Variants in POFUT3 observed in about 807,000 individuals in gnomAD.
POFUT3 encodes protein O-fucosyltransferase 3.
chr8:33,436,236 A>G, the POFUT3 span: 1 of 1,344,576 alleles, frequency 7.4e-7, no homozygotes, highest in Non-Finnish European at 1.1e-6. Context: ...CGAAGGGTGT[A>G]TTCTCATGCA....
the POFUT3 span, among the ~76,000 whole-genome samples, chr8:33,418,973 A>G: frequency 8.5e-5 from 13 of 152,218 alleles, no homozygotes; most frequent in Non-Finnish European, 1.3e-4. Flanking sequence ...TAAGCCAGGC[A>G]CAGAAAGACA....
At chr8:33,447,546 G>A in the POFUT3 span, among the ~76,000 whole-genome samples, 4 of 152,228 alleles carry the variant, frequency 2.6e-5, no homozygotes, top group African/African-American at 2.4e-5. Flanking sequence ...AATTGTTAAT[G>A]TAGCTAAATC....
chr8:33,431,643 T>C, the POFUT3 span, among the ~76,000 whole-genome samples: 1 of 146,332 alleles, frequency 6.8e-6, no homozygotes, highest in Non-Finnish European at 1.5e-5. Flanking sequence ...CATTCTTGAT[T>C]ACAAACAGTT....
chr8:33,435,302 C>T, the POFUT3 span, among the ~76,000 whole-genome samples: 1 of 151,436 alleles, frequency 6.6e-6, no homozygotes, highest in African/African-American at 2.4e-5. Context: ...ACTGCAACTG[C>T]CACCTCCCAG....
chr8:33,322,978 A>C, the POFUT3 span, among the ~76,000 whole-genome samples: 2 of 151,404 alleles, frequency 1.3e-5, no homozygotes, highest in Non-Finnish European at 2.9e-5. Flanking sequence ...GTGTTTTGCC[A>C]CCCAAGCTTA....
the POFUT3 span, among the ~76,000 whole-genome samples, chr8:33,359,130 C>CA: frequency 2.0e-5 from 3 of 151,744 alleles, no homozygotes; most frequent in African/African-American, 7.3e-5. Context: ...TTTCAAACAG[C>CA]AAAAAAATAA....
chr8:33,383,142 TA>T, the POFUT3 span, among the ~76,000 whole-genome samples: 1 of 152,058 alleles, frequency 6.6e-6, no homozygotes, highest in Non-Finnish European at 1.5e-5. Flanking sequence ...CACTCCCACT[TA>T]ACACTCAGCT....
the POFUT3 span, among the ~76,000 whole-genome samples, chr8:33,397,483 T>A: frequency 1.3e-5 from 2 of 152,170 alleles, no homozygotes; most frequent in African/African-American, 4.8e-5. Context: ...TACTCCTTGA[T>A]GCTACAGCTG....
the POFUT3 span, among the ~76,000 whole-genome samples, chr8:33,348,608 G>A: frequency 3.3e-5 from 5 of 152,198 alleles, no homozygotes; most frequent in African/African-American, 1.2e-4. Context: ...TGTAATGAAA[G>A]AAGAAGAGTA....
chr8:33,426,676 T>C, the POFUT3 span, among the ~76,000 whole-genome samples: 1 of 152,202 alleles, frequency 6.6e-6, no homozygotes, highest in African/African-American at 2.4e-5. Context: ...TAAGTAAAAA[T>C]GGCTGCCTTT....
At chr8:33,345,765 C>T in the POFUT3 span, among the ~76,000 whole-genome samples, 1 of 150,986 alleles carries the variant, frequency 6.6e-6, no homozygotes, top group East Asian at 1.9e-4. Flanking sequence ...GCAGGAGGAA[C>T]AATGGGGCGT....
At chr8:33,464,266 A>G in the POFUT3 span, among the ~76,000 whole-genome samples, 1 of 152,206 alleles carries the variant, frequency 6.6e-6, no homozygotes, top group African/African-American at 2.4e-5. Context: ...TTAAAAGGAA[A>G]AATGCTCACT....
At chr8:33,380,327 G>A in the POFUT3 span, among the ~76,000 whole-genome samples, 2 of 140,338 alleles carry the variant, frequency 1.4e-5, no homozygotes, top group African/African-American at 5.4e-5. Flanking sequence ...TATAAAACAG[G>A]AGTCAAATGG....
At chr8:33,440,477 AC>A in the POFUT3 span, among the ~76,000 whole-genome samples, 1 of 151,730 alleles carries the variant, frequency 6.6e-6, no homozygotes, top group African/African-American at 2.4e-5. Flanking sequence ...TGCCACTATA[AC>A]CCCCCCGCAC....
chr8:33,343,423 T>A, the POFUT3 span, among the ~76,000 whole-genome samples: 1 of 152,236 alleles, frequency 6.6e-6, no homozygotes, highest in Non-Finnish European at 1.5e-5. Flanking sequence ...CTGCCATGAA[T>A]GTAACCGGCA....
At chr8:33,448,183 A>G in the POFUT3 span, among the ~76,000 whole-genome samples, 1 of 150,522 alleles carries the variant, frequency 6.6e-6, no homozygotes, top group Middle Eastern at 3.4e-3. Context: ...TCTACAAAAA[A>G]AAATTTTTTT....
chr8:33,431,586 A>G, the POFUT3 span, among the ~76,000 whole-genome samples: 24 of 113,222 alleles, frequency 2.1e-4, no homozygotes, highest in African/African-American at 8.2e-4. Flanking sequence ...AAAAAAAAAA[A>G]GAATATCCTA....
the POFUT3 span, among the ~76,000 whole-genome samples, chr8:33,446,456 C>CA: frequency 0.59 from 81,851 of 138,322 alleles, 23,420 homozygotes; most frequent in African/African-American, 0.63. Flanking sequence ...GATCCTATTA[C>CA]AAAAAAAAAA....
At chr8:33,349,800 A>G in the POFUT3 span, among the ~76,000 whole-genome samples, 2 of 152,194 alleles carry the variant, frequency 1.3e-5, no homozygotes, top group South Asian at 2.1e-4. Context: ...CAGATACCCA[A>G]TAGCGGGATT....
Sources: allele counts gnomAD v4.1 joint callset (sites outside exome capture counted in the v4.1 genomes callset), GRCh38; gene constraint gnomAD v4.1.1; transcripts MANE v1.5; gene names NCBI Gene and HGNC (gene_info 2026-07-23, HGNC 2026-07-21).